Variants in TTF2 observed in about 807,000 individuals in gnomAD.
TTF2 encodes RNA polymerase II termination factor.
TTF2 carries 108 observed loss-of-function variants against 142.4 expected under a neutral mutation model. That is an observed-to-expected ratio of 0.76 (90% CI 0.65 to 0.89). The LOEUF (loss-of-function observed/expected upper bound fraction) is 0.89. Ranked by LOEUF, TTF2 falls within the 40% of genes least tolerant of loss-of-function variation. The probability of loss-of-function intolerance (pLI) is 0.00; values close to 1 mark genes in which losing one functional copy is unlikely to be tolerated. For synonymous variants in TTF2, 483 were observed against 506.2 expected, an observed-to-expected ratio of 0.95 and a Z score of 0.61; for missense variants, 1,327 against 1,379.8, an observed-to-expected ratio of 0.96 and a Z score of 0.61.
Position 117,097,201 on chromosome 1 carries a change from A to T in TTF2, c.3187-150A>T. ...AGTGAGACATGGGAGATAGCATTAT[A>T]ATGTTAAAAAAAAAAACAATTTATA... is the stretch of plus-strand genomic sequence containing the variant. On this transcript the variant is annotated intron_variant, in intron 20 of 22. Coordinates refer to ENST00000369466, the MANE Select transcript of TTF2 (RefSeq NM_003594.4). The surrounding 1 kb of genome is among the most constrained non-coding windows in gnomAD (Gnocchi z 4.1). The T allele has an allele frequency of 1.5e-6, 1 of 659,176 alleles. No homozygotes were observed. The highest frequency in any genetic ancestry group is 2.6e-6 in the Non-Finnish European group (1 of 380,900). The allele number at this position is 659,176 out of a possible 1,614,324, so 40.8% of individuals were successfully genotyped here.
intron 4 of TTF2, 123 bp from the exon 5 acceptor site, chr1:117,074,747 A>C: frequency 1.1e-6 from 1 of 923,862 alleles, no homozygotes; most frequent in Non-Finnish European, 1.6e-6. Context: ...CAATATACTC[A>C]TATAACAAAG....
chr1:117,094,391 G>A (rs1456883594), intron 18 of TTF2, among the ~76,000 whole-genome samples: 1 of 152,060 alleles, frequency 6.6e-6, no homozygotes, highest in Non-Finnish European at 1.5e-5. Context: ...GGCCCTTAGA[G>A]GCTCTTGAAA....
Position 117,105,464 on chromosome 1 carries a change from T to A in TTF2, c.*3940T>A, listed in dbSNP as rs1649869809. 6.6e-6 allele frequency: 1 copy of A among 152,346 alleles called. No individual in the cohort carries two copies. The highest frequency in any genetic ancestry group is 2.4e-5 in the African/African-American group (1 of 41,426). 9.4% of individuals were successfully genotyped at this position (152,346 alleles called of 1,614,324 possible). On this transcript the variant is annotated 3_prime_UTR_variant, in exon 23 of 23. Transcript: ENST00000369466. This position sits in a 1 kb window ranked among gnomAD's most constrained non-coding sequence, Gnocchi z 4.7. ...CCAGCGCAGTGGTTCACACCTGTAA[T>A]CCCAGCATTTGGGAGGCTGAGGCAG...
At chr1:117,083,000 T>G (rs1015305917) in intron 10 of TTF2, among the ~76,000 whole-genome samples, 77 of 152,112 alleles carry the variant, frequency 5.1e-4, no homozygotes, top group Middle Eastern at 3.4e-3. Context: ...CCCAGCACTT[T>G]GGGAGGCTGA....
Position 117,104,615 on chromosome 1 carries a change from GTTC to G in TTF2, c.*3094_*3096del, listed in dbSNP as rs2101299789. On this transcript the variant is annotated 3_prime_UTR_variant, in exon 23 of 23. Coordinates refer to ENST00000369466, the MANE Select transcript of TTF2 (RefSeq NM_003594.4). ...CAACCTAGTTATGTCTTGGGTAGGT[GTTC>G]TTATAGCCGTGAGATGCTACTGACT... 6.6e-6 allele frequency: 1 copy of G among 152,336 alleles called. No individual in the cohort carries two copies. The highest frequency in any genetic ancestry group is 2.4e-5 in the African/African-American group (1 of 41,574). 9.4% of individuals were successfully genotyped at this position (152,336 alleles called of 1,614,324 possible).
chr1:117,081,390 A>G (rs1291378479), intron 9 of TTF2, among the ~76,000 whole-genome samples: 1 of 152,196 alleles, frequency 6.6e-6, no homozygotes, highest in Non-Finnish European at 1.5e-5. Context: ...TCCTCTTTTG[A>G]TGAATAAGTT....
rs756425974 is a variant in TTF2 at position 117,098,864 on chromosome 1, C to T, written c.3301C>T (p.Arg1101Ter). The T allele has an allele frequency of 7.4e-6, 12 of 1,611,556 alleles. No individual in the cohort carries two copies. Among genetic ancestry groups the T allele is most frequent in the Admixed American group, 1.7e-5 (1 of 59,702 alleles). ...NPSLEDQACD[R>*]IYRVGQQKDV... ...ATCACTTGAAGATCAAGCTTGTGAC[C>T]GAATTTACCGAGTAGGGCAGCAGAA... The change falls in exon 22 of 23, where the codon CGA becomes TGA. Residue 1101 changes from arginine (R) to a stop codon, truncating the protein, a stop_gained. Transcript: ENST00000369466. LOFTEE classifies it high-confidence loss of function.
In TTF2 at chr1:117,091,806, C is replaced by T. The variant is rs1396212969; in HGVS notation, c.2672-11C>T. 4 of 1,610,598 alleles carry T rather than the reference C, an allele frequency of 2.5e-6. No individual in the cohort carries two copies. Among genetic ancestry groups the T allele is most frequent in the Non-Finnish European group, 3.4e-6 (4 of 1,178,030 alleles). On this transcript the variant is annotated splice_polypyrimidine_tract_variant and intron_variant, in intron 16 of 22. Transcript: ENST00000369466. ...CTGTACCATCCTGTGGCTTGTCTTC[C>T]CTCTTGGAAGTGGCACTGGAGTTTG...
rs1017542147 is a variant in TTF2, at chr1:117,079,869, C to T, written c.1783+220C>T. On this transcript the variant is annotated intron_variant, in intron 9 of 22. Transcript: ENST00000369466. This position sits in a 1 kb window ranked among gnomAD's most constrained non-coding sequence, Gnocchi z 4.2. Reference sequence around the variant, plus strand: ...GTTGGTTGCCAGCAGTAGAAGCTGACTCTGGCTGATTAAAGAGAGGAGGAG... The same window carrying T: ...GTTGGTTGCCAGCAGTAGAAGCTGATTCTGGCTGATTAAAGAGAGGAGGAG... 1.3e-5 allele frequency among the ~76,000 whole-genome samples: 2 copies of T among 152,198 alleles called. No individual in the cohort carries two copies. Among genetic ancestry groups the T allele is most frequent in the Admixed American group, 1.3e-4 (2 of 15,280 alleles).
At chr1:117,095,017 G>A (rs1170576757) in intron 18 of TTF2, among the ~76,000 whole-genome samples, 1 of 152,200 alleles carries the variant, frequency 6.6e-6, no homozygotes, top group African/African-American at 2.4e-5. Context: ...AGGGCATGGT[G>A]AGAAACGAAC....
At position 117,089,085 on chromosome 1, in the gene TTF2, GT is replaced by G. The variant is rs202238190; in HGVS notation, c.2342+106del. ...GCCTTAGTATGTGCCAGATTATCTTGTTTAGGAGATGGCAGGCCTGTCAACC... is the reference window on the plus strand; with the variant it reads ...GCCTTAGTATGTGCCAGATTATCTTGTTAGGAGATGGCAGGCCTGTCAACC... On this transcript the variant is annotated intron_variant, in intron 13 of 22. Transcript: ENST00000369466. 1.6e-3 allele frequency: 2,034 copies of G among 1,255,176 alleles called. 26 individuals are homozygous for G. In the African/African-American group the frequency reaches 0.028, roughly 17 times the overall value. The allele number at this position is 1,255,176 out of a possible 1,614,324, so 77.8% of individuals were successfully genotyped here.
chr1:117,094,571 AG>A (rs747812890), intron 18 of TTF2: 1 of 470,512 alleles, frequency 2.1e-6, no homozygotes, highest in African/African-American at 2.0e-5. Flanking sequence ...CCGTCTGGAC[AG>A]GTCCTTTTCA....
In TTF2 at chr1:117,070,731, TAAAG is replaced by T. The variant is rs989995563; in HGVS notation, c.219-2926_219-2923del. On this transcript the variant is annotated intron_variant, in intron 3 of 22. Coordinates refer to ENST00000369466, the MANE Select transcript of TTF2 (RefSeq NM_003594.4). This position sits in a 1 kb window ranked among gnomAD's most constrained non-coding sequence, Gnocchi z 4.2. ...AATATCCTATTGCAATGAGAAAAATTAAAGAAACCAGTAAGATTTTAAAAATTGT... is the reference window on the plus strand; with the variant it reads ...AATATCCTATTGCAATGAGAAAAATTAAACCAGTAAGATTTTAAAAATTGT... Among the ~76,000 whole-genome samples, 7 of 152,266 alleles carry T rather than the reference TAAAG, an allele frequency of 4.6e-5. No homozygotes were observed. The highest frequency in any genetic ancestry group is 2.1e-4 in the South Asian group (1 of 4,820).
At chr1:117,089,671 A>C (rs1185298144) in intron 13 of TTF2, among the ~76,000 whole-genome samples, 2 of 152,282 alleles carry the variant, frequency 1.3e-5, no homozygotes, top group East Asian at 3.9e-4. Context: ...CCTGGGTGAC[A>C]GAGCAAGACC....
In TTF2 at chr1:117,075,606, T is replaced by A; in HGVS notation, c.1022T>A (p.Leu341Gln). 1 of 1,614,120 alleles carries A rather than the reference T, an allele frequency of 6.2e-7. No individual in the cohort carries two copies. Among genetic ancestry groups the A allele is most frequent in the Non-Finnish European group, 8.5e-7 (1 of 1,180,010 alleles). Residue 341 changes from leucine to glutamine, a missense_variant, in exon 5 of 23, where the codon CTG becomes CAG. Coordinates refer to ENST00000369466, the MANE Select transcript of TTF2 (RefSeq NM_003594.4). The surrounding 1 kb of genome is among the most constrained non-coding windows in gnomAD (Gnocchi z 4.5). ...QAAPAAPGLS[L>Q]GEGREAATSS... is the part of the protein sequence containing the mutation. ...GCACCAGCAGCACCAGGGCTTTCCCTGGGTGAGGGCCGTGAAGCTGCCACA... is the reference window on the plus strand; with the variant it reads ...GCACCAGCAGCACCAGGGCTTTCCCAGGGTGAGGGCCGTGAAGCTGCCACA...
At chr1:117,078,730 A>T (rs1364564098) in intron 8 of TTF2, among the ~76,000 whole-genome samples, 2 of 152,184 alleles carry the variant, frequency 1.3e-5, no homozygotes, top group Non-Finnish European at 2.9e-5. Context: ...TTAAGCAGGG[A>T]TGACTGATGA....
Position 117,081,810 on chromosome 1 carries a change from T to C in TTF2, c.1784-18T>C. 1 of 1,609,378 alleles carries C rather than the reference T, an allele frequency of 6.2e-7. No homozygotes were observed. Among genetic ancestry groups the C allele is most frequent in the Non-Finnish European group, 8.5e-7 (1 of 1,178,116 alleles). ...GCCCTAAGCAATTAACTCTCTTAAT[T>C]TTGCTTTTATTTTCTAGCAGATGAT... is the stretch of plus-strand genomic sequence containing the variant. On this transcript the variant is annotated intron_variant, in intron 9 of 22. Coordinates refer to ENST00000369466, the MANE Select transcript of TTF2 (RefSeq NM_003594.4).
rs1474941642 is a variant in TTF2, at chr1:117,077,972, G to A, written c.1630G>A (p.Gly544Ser). 1.7e-5 allele frequency: 28 copies of A among 1,614,136 alleles called. 1 individual carries two copies. The highest frequency in any genetic ancestry group is 4.5e-5 in the East Asian group (2 of 44,888). ...AVWKITSEAI[G>S]QLHRSLESCP... ...GTGGAAAATCACAAGTGAAGCCATC[G>A]GTCAACTGCATCGCTCACTTGAGTC... is the stretch of plus-strand genomic sequence containing the variant. The change falls in exon 8 of 23, where the codon GGT becomes AGT. Residue 544 changes from glycine (G) to serine (S), a missense_variant. Coordinates refer to ENST00000369466, the MANE Select transcript of TTF2 (RefSeq NM_003594.4).
intron 16 of TTF2, among the ~76,000 whole-genome samples, 185 bp from the exon 17 acceptor site, chr1:117,091,632 A>G (rs776888622): frequency 6.6e-6 from 1 of 152,190 alleles, no homozygotes; most frequent in Non-Finnish European, 1.5e-5. Flanking sequence ...AAATGCAGGT[A>G]GTTCTATAAG....
Sources: gnomAD v4.1 joint callset for allele counts (sites outside exome capture counted in the v4.1 genomes callset) on GRCh38, gnomAD v4.1.1 for gene constraint, Gnocchi (gnomAD v3.1) non-coding constraint, MANE v1.5 for transcripts, NCBI Gene and HGNC (gene_info 2026-07-23, HGNC 2026-07-21) for gene names.